NEMP2: variants seen among roughly 807,000 people sequenced by gnomAD.
NEMP2 encodes nuclear envelope integral membrane protein 2.
Under a neutral mutation model 54.2 loss-of-function variants are expected in NEMP2, and 53 were observed. The ratio of observed to expected loss-of-function variants is 0.98; its 90% confidence interval spans 0.78 to 1.23. The LOEUF is 1.23. NEMP2 is among the 50% of genes most tolerant of loss of function. NEMP2 has a pLI of 0.00. For missense variants in NEMP2, 455 were observed against 511.3 expected (o/e 0.89, Z 1.06); for synonymous variants, 197 against 190.3 (o/e 1.04, Z -0.29).
At chr2:190,600,568 A>G in the NEMP2 span, among the ~76,000 whole-genome samples, 1 of 152,102 alleles carries the variant, frequency 6.6e-6, no homozygotes, top group African/African-American at 2.4e-5. This position sits in a 1 kb window ranked among gnomAD's most constrained non-coding sequence, Gnocchi z 4.9. Flanking sequence ...TTCCTGGAGA[A>G]TGGATTAGTT....
chr2:190,572,833 GTATATA>G, the NEMP2 span, among the ~76,000 whole-genome samples: 402 of 47,838 alleles, frequency 8.4e-3, 4 homozygotes, highest in Admixed American at 0.014. Flanking sequence ...CTTTTCATGA[GTATATA>G]TATATATATA....
the NEMP2 span, among the ~76,000 whole-genome samples, chr2:190,560,213 G>C: frequency 6.6e-6 from 1 of 152,208 alleles, no homozygotes; most frequent in African/African-American, 2.4e-5. The surrounding 1 kb of genome is among the most constrained non-coding windows in gnomAD (Gnocchi z 5.4). Context: ...CCGTGGGTGG[G>C]AGTCAAGCAG....
At chr2:190,463,666 A>G in the NEMP2 span, among the ~76,000 whole-genome samples, 8 of 152,160 alleles carry the variant, frequency 5.3e-5, no homozygotes, top group South Asian at 1.7e-3. This position sits in a 1 kb window ranked among gnomAD's most constrained non-coding sequence, Gnocchi z 4.4. Context: ...ACTAAAAATC[A>G]AAAGTTAGCT....
the NEMP2 span, among the ~76,000 whole-genome samples, chr2:190,552,984 C>A: frequency 1.3e-5 from 2 of 151,128 alleles, no homozygotes; most frequent in Non-Finnish European, 2.9e-5. Flanking sequence ...TTAATGGAAA[C>A]CAAATTTACA....
the NEMP2 span, among the ~76,000 whole-genome samples, chr2:190,449,486 T>C: frequency 1.7e-3 from 264 of 151,756 alleles, no homozygotes; most frequent in Non-Finnish European, 2.9e-3. Flanking sequence ...AAAAAAAAAA[T>C]TAATATCAAA....
chr2:190,516,389 G>A lies in NEMP2; in HGVS notation c.613-5C>T. ...TAGAGCCCAAAAGGTGCTATACTGT[G>A]TGTGGAAGAAAATAAATGACACATT... On this transcript the variant is annotated splice_region_variant and splice_polypyrimidine_tract_variant and intron_variant, in intron 5 of 8. Transcript: ENST00000409150. The A allele has an allele frequency of 6.5e-7, 1 of 1,530,168 alleles. No individual in the cohort carries two copies. The highest frequency in any genetic ancestry group is 8.8e-7 in the Non-Finnish European group (1 of 1,138,416). 94.8% of individuals were successfully genotyped at this position (1,530,168 alleles called of 1,614,324 possible). A position where few individuals can be genotyped will look rare whatever the true frequency, so the allele number is the denominator to read the frequency against.
At chr2:190,481,002 C>T in the NEMP2 span, among the ~76,000 whole-genome samples, 2 of 152,160 alleles carry the variant, frequency 1.3e-5, no homozygotes, top group African/African-American at 2.4e-5. Context: ...ATGACCAAAG[C>T]GTAAGGGAAA....
the NEMP2 span, among the ~76,000 whole-genome samples, chr2:190,550,911 T>C: frequency 6.6e-6 from 1 of 152,200 alleles, no homozygotes; most frequent in Non-Finnish European, 1.5e-5. This position sits in a 1 kb window ranked among gnomAD's most constrained non-coding sequence, Gnocchi z 4.7. Context: ...TATTGTTCAG[T>C]GGCTTTTATA....
At chr2:190,497,334 T>C in the NEMP2 span, 1 of 1,291,496 alleles carries the variant, frequency 7.7e-7, no homozygotes, top group Non-Finnish European at 1.1e-6. The surrounding 1 kb of genome is among the most constrained non-coding windows in gnomAD (Gnocchi z 5.2). Context: ...TATCAAGCAC[T>C]CTGGAATGGG....
upstream of NEMP2, among the ~76,000 whole-genome samples, chr2:190,537,986 T>C (rs75158064): frequency 4.6e-5 from 7 of 152,312 alleles, no homozygotes; most frequent in South Asian, 2.1e-4. Context: ...TGGTTCCTTT[T>C]ATACTGAGCA....
chr2:190,458,533 A>G, the NEMP2 span, among the ~76,000 whole-genome samples: 2 of 152,320 alleles, frequency 1.3e-5, no homozygotes, highest in South Asian at 4.2e-4. The surrounding 1 kb of genome is among the most constrained non-coding windows in gnomAD (Gnocchi z 5.3). Context: ...GGTATTTGTT[A>G]CAGCAGCCTT....
chr2:190,538,337 G>C (rs1454530292), upstream of NEMP2, among the ~76,000 whole-genome samples: 1 of 151,966 alleles, frequency 6.6e-6, no homozygotes, highest in Non-Finnish European at 1.5e-5. The surrounding 1 kb of genome is among the most constrained non-coding windows in gnomAD (Gnocchi z 4.1). Flanking sequence ...ATATTCCATT[G>C]TGTATATATG....
At position 190,516,252 on chromosome 2, in the gene NEMP2, G is replaced by T. The variant is rs1355792299; in HGVS notation, c.727+18C>A. On this transcript the variant is annotated intron_variant, in intron 6 of 8. Coordinates refer to ENST00000409150, the MANE Select transcript of NEMP2 (RefSeq NM_001142645.2). ...AGTTTTACCAATCACAGAGCATATT[G>T]TTTTTCTATTTACCTACCTAATACA... 3.3e-6 allele frequency: 5 copies of T among 1,513,824 alleles called. No homozygotes were observed. In the South Asian group the frequency reaches 6.1e-5, roughly 19 times the overall value. The allele number at this position is 1,513,824 out of a possible 1,614,324, so 93.8% of individuals were successfully genotyped here.
chr2:190,631,948 C>T, the NEMP2 span, among the ~76,000 whole-genome samples: 1 of 152,160 alleles, frequency 6.6e-6, no homozygotes, highest in East Asian at 1.9e-4. Context: ...TCCAGCTACT[C>T]GGGAGGCTGA....
At chr2:190,484,911 C>T in the NEMP2 span, among the ~76,000 whole-genome samples, 13 of 152,104 alleles carry the variant, frequency 8.5e-5, no homozygotes, top group East Asian at 1.9e-3. Context: ...CTTTTAGTAT[C>T]AGAAATTTTG....
chr2:190,581,003 T>G, the NEMP2 span, among the ~76,000 whole-genome samples: 1 of 152,232 alleles, frequency 6.6e-6, no homozygotes, highest in Non-Finnish European at 1.5e-5. Flanking sequence ...TCAGAACAGA[T>G]AGTAACTAAT....
the NEMP2 span, among the ~76,000 whole-genome samples, chr2:190,613,199 A>G: frequency 6.6e-6 from 1 of 152,176 alleles, no homozygotes; most frequent in East Asian, 1.9e-4. Context: ...TAGTTTTGAA[A>G]CAGAGATGAT....
At chr2:190,615,129 C>G in the NEMP2 span, among the ~76,000 whole-genome samples, 1 of 152,192 alleles carries the variant, frequency 6.6e-6, no homozygotes, top group Non-Finnish European at 1.5e-5. The surrounding 1 kb of genome is among the most constrained non-coding windows in gnomAD (Gnocchi z 4.7). Flanking sequence ...TAACTCAATT[C>G]TGACATTAAC....
chr2:190,468,340 C>A, the NEMP2 span, among the ~76,000 whole-genome samples: 1 of 151,910 alleles, frequency 6.6e-6, no homozygotes, highest in Non-Finnish European at 1.5e-5. Flanking sequence ...TCTTTTTTGT[C>A]TTTTCTTCAT....
Sources: gnomAD v4.1 joint callset for allele counts (sites outside exome capture counted in the v4.1 genomes callset) on GRCh38, gnomAD v4.1.1 for gene constraint, Gnocchi (gnomAD v3.1) non-coding constraint, MANE v1.5 for transcripts, NCBI Gene and HGNC (gene_info 2026-07-23, HGNC 2026-07-21) for gene names.